The following PRKCH variants were observed in gnomAD, a reference collection of about 807,000 sequenced individuals.
The protein encoded by PRKCH is protein kinase C eta.
In PRKCH, 28 loss-of-function variants were observed where a neutral mutation model predicts 82.5. The ratio of observed to expected loss-of-function variants is 0.34; its 90% CI spans 0.25 to 0.47. The LOEUF (loss-of-function observed/expected upper bound fraction) is 0.47. Ranked by LOEUF, PRKCH falls within the 20% of genes least tolerant of loss-of-function variation. The pLI is 1.00. For synonymous variants in PRKCH, 322 were observed against 327.4 expected, an observed-to-expected ratio of 0.98 and a Z score of 0.18; for missense variants, 705 against 881.8, an observed-to-expected ratio of 0.80 and a Z score of 2.54.
At chr14:61,322,916 A>C in intron 1 of PRKCH, 1 of 161,842 alleles carries the variant, frequency 6.2e-6, no homozygotes, top group African/African-American at 2.4e-5. Flanking sequence ...TTATGGATAC[A>C]TGTTGGTTCA....
At chr14:61,537,628 G>C (rs2043128945) in intron 12 of PRKCH, 1 of 152,176 alleles carries the variant, frequency 6.6e-6, no homozygotes, top group South Asian at 2.1e-4. Flanking sequence ...TCTCCAGCAA[G>C]AAATCACGTG....
intron 1 of PRKCH, among the ~76,000 whole-genome samples, chr14:61,373,299 A>C (rs1203174848): frequency 6.6e-6 from 1 of 151,812 alleles, no homozygotes; most frequent in Non-Finnish European, 1.5e-5. Context: ...GGTGGAAGGC[A>C]AAGGGGAAGC....
intron 1 of PRKCH, among the ~76,000 whole-genome samples, chr14:61,240,615 G>A (rs144494778): frequency 3.4e-4 from 52 of 151,810 alleles, no homozygotes; most frequent in Middle Eastern, 3.4e-3. Context: ...GAAATGGTTC[G>A]GGGGTTGCTC....
chr14:61,203,842 AAAT>A (rs201887509), intron 1 of PRKCH, among the ~76,000 whole-genome samples: 6 of 151,602 alleles, frequency 4.0e-5, no homozygotes, highest in African/African-American at 4.8e-5. Context: ...CCCCGTCTCA[AAAT>A]AATAATAATA....
intron 2 of PRKCH, among the ~76,000 whole-genome samples, chr14:61,426,517 A>C (rs542314154): frequency 1.3e-5 from 2 of 152,306 alleles, no homozygotes; most frequent in East Asian, 1.9e-4. Flanking sequence ...CACAAGTCTT[A>C]CTTCTTAATA....
chr14:61,532,665 G>A (rs190427907), intron 12 of PRKCH, among the ~76,000 whole-genome samples: 14 of 152,172 alleles, frequency 9.2e-5, no homozygotes, highest in Admixed American at 1.3e-4. Flanking sequence ...CTTTTTAACC[G>A]GGTGAGCTCA....
At position 61,280,818 on chromosome 14, in the gene PRKCH, G is replaced by C; in HGVS notation, c.-19+93150G>C. 6.4e-7 allele frequency: 1 copy of C among 1,565,368 alleles called. No homozygotes were observed. Among genetic ancestry groups the C allele is most frequent in the Non-Finnish European group, 8.6e-7 (1 of 1,164,574 alleles). ...GGTAGAAGTTGGTCAGCTCGTAGTA[G>C]AGGTACACTGGGCCCTGGAAGAGCT... On this transcript the variant is annotated intron_variant, in intron 1 of 3. Coordinates refer to the PRKCH transcript ENST00000555185. The surrounding 1 kb of genome is among the most constrained non-coding windows in gnomAD (Gnocchi z 5.0).
In PRKCH at chr14:61,387,871, G is replaced by T. The variant is rs185390620; in HGVS notation, c.364-3354G>T. On this transcript the variant is annotated intron_variant, in intron 1 of 13. Transcript: ENST00000332981. ...ACTTTGAAATCCCTATTGTCCGCTG[G>T]GTGTGGTGGCTCATGCCTGTAATTC... is the stretch of plus-strand genomic sequence containing the variant. Among the ~76,000 whole-genome samples the T allele has an allele frequency of 8.3e-4, 127 of 152,262 alleles. 1 individual carries two copies. Among genetic ancestry groups the T allele is most frequent in the Admixed American group, 8.3e-3 (127 of 15,300 alleles).
intron 1 of PRKCH, among the ~76,000 whole-genome samples, chr14:61,329,234 C>CTTTTTTTCT (rs1476293025): frequency 3.2e-5 from 2 of 63,468 alleles, no homozygotes; most frequent in African/African-American, 6.8e-5. Flanking sequence ...ACTCCTGAGT[C>CTTTTTTTCT]TTTTTTTTTT....
chr14:61,544,281 C>T (rs994103336), intron 12 of PRKCH: 1 of 152,216 alleles, frequency 6.6e-6, no homozygotes, highest in African/African-American at 2.4e-5. Context: ...CAGGCCGTTT[C>T]TATGAGAGGA....
intron 1 of PRKCH, among the ~76,000 whole-genome samples, chr14:61,294,400 G>A (rs1019111022): frequency 4.6e-5 from 7 of 152,168 alleles, no homozygotes; most frequent in South Asian, 2.1e-4. Flanking sequence ...GATTACAGGC[G>A]TGAGCCTCCA....
At chr14:61,310,446 T>A (rs761663692) in intron 1 of PRKCH, among the ~76,000 whole-genome samples, 14 of 152,184 alleles carry the variant, frequency 9.2e-5, no homozygotes, top group Non-Finnish European at 1.5e-4. Context: ...AGTCATTAAA[T>A]CTTAAAGCTC....
chr14:61,265,105 C>A (rs2045086006), intron 1 of PRKCH, among the ~76,000 whole-genome samples: 1 of 152,226 alleles, frequency 6.6e-6, no homozygotes, highest in East Asian at 1.9e-4. Flanking sequence ...TCAACATAAC[C>A]TTTTTCAAAT....
chr14:61,520,716 A>G (rs1221428993), intron 10 of PRKCH, among the ~76,000 whole-genome samples: 3 of 152,252 alleles, frequency 2.0e-5, no homozygotes, highest in African/African-American at 7.2e-5. Flanking sequence ...CGGTTTGGCA[A>G]GAATTAGAAG....
intron 1 of PRKCH, among the ~76,000 whole-genome samples, chr14:61,229,910 C>A (rs77135331): frequency 0.015 from 2,233 of 152,252 alleles, 65 homozygotes; most frequent in African/African-American, 0.051. Flanking sequence ...ACATTCCAAC[C>A]CCCTCTGCTT....
chr14:61,510,152 G>A (rs960941666), intron 10 of PRKCH, among the ~76,000 whole-genome samples: 4 of 152,162 alleles, frequency 2.6e-5, no homozygotes, highest in African/African-American at 9.7e-5. Flanking sequence ...AAGGAGCAGG[G>A]CAGAGCTGGC....
chr14:61,280,200 G>T lies in PRKCH; in HGVS notation c.-19+92532G>T. 1 of 1,614,126 alleles carries T rather than the reference G, an allele frequency of 6.2e-7. No homozygotes were observed. Among genetic ancestry groups the T allele is most frequent in the Non-Finnish European group, 8.5e-7 (1 of 1,180,000 alleles). On this transcript the variant is annotated intron_variant, in intron 1 of 3. Coordinates refer to the PRKCH transcript ENST00000555185. The surrounding 1 kb of genome is among the most constrained non-coding windows in gnomAD (Gnocchi z 5.0). ...CGACGACCAGGTAGGCGATGCCCAG[G>T]AAGGGGTTCTTGCCACCCATCCACG...
At chr14:61,417,568 A>G (rs1367215123) in intron 2 of PRKCH, among the ~76,000 whole-genome samples, 1 of 152,224 alleles carries the variant, frequency 6.6e-6, no homozygotes. Flanking sequence ...GAAGCCTTTA[A>G]TTGGGCATAT....
At chr14:61,248,581 A>G (rs1215810916) in intron 1 of PRKCH, among the ~76,000 whole-genome samples, 2 of 152,208 alleles carry the variant, frequency 1.3e-5, no homozygotes, top group Non-Finnish European at 2.9e-5. Context: ...CAAAAGGGGC[A>G]AGGAGATGCT....
Sources: gnomAD v4.1 joint callset for allele counts (sites outside exome capture counted in the v4.1 genomes callset) on GRCh38, gnomAD v4.1.1 for gene constraint, Gnocchi (gnomAD v3.1) non-coding constraint, MANE v1.5 for transcripts, NCBI Gene and HGNC (gene_info 2026-07-23, HGNC 2026-07-21) for gene names.